The following CA1 variants were observed in gnomAD, a reference collection of about 807,000 sequenced individuals.
CA1 encodes carbonate dehydratase I.
A neutral mutation model predicts 28.8 loss-of-function variants in CA1; 27 were observed. The observed-to-expected ratio is 0.94, with a 90% CI of 0.69 to 1.29. The LOEUF (loss-of-function observed/expected upper bound fraction) is 1.29, where lower values mean the gene tolerates loss of function less well. Among genes scored for constraint, CA1 ranks in the 50% most tolerant of loss-of-function variants. The pLI is 0.00. For synonymous variants in CA1, 121 were observed against 108.8 expected, an observed-to-expected ratio of 1.11 and a Z score of -0.70; for missense variants, 335 against 310.5, an observed-to-expected ratio of 1.08 and a Z score of -0.59.
intron 1 of CA1, 144 bp downstream of exon 1, chr8:85,377,902 T>C (rs1028808353): frequency 1.3e-5 from 2 of 152,252 alleles, no homozygotes; most frequent in African/African-American, 4.8e-5. Flanking sequence ...ATAAAGGTTT[T>C]TTAAGCTTTG....
chr8:85,359,585 T>G (rs1431798107), intron 1 of CA1, among the ~76,000 whole-genome samples: 1 of 152,136 alleles, frequency 6.6e-6, no homozygotes, highest in Non-Finnish European at 1.5e-5. Flanking sequence ...ACACTGAACC[T>G]CGAATGAAAA....
At chr8:85,360,529 T>TA (rs974311144) in intron 1 of CA1, among the ~76,000 whole-genome samples, 2 of 151,856 alleles carry the variant, frequency 1.3e-5, no homozygotes, top group African/African-American at 2.4e-5. Context: ...CCATCTCTAC[T>TA]AAAAAACACA....
chr8:85,338,191 A>G (rs1808740737), intron 3 of CA1, 61 bp downstream of exon 3: 12 of 1,352,370 alleles, frequency 8.9e-6, no homozygotes, highest in East Asian at 2.3e-5. Flanking sequence ...CTCGAGCACT[A>G]TTTTTTAAAT....
chr8:85,373,199 G>T (rs564821748), intron 1 of CA1, among the ~76,000 whole-genome samples: 2 of 152,186 alleles, frequency 1.3e-5, no homozygotes, highest in African/African-American at 4.8e-5. Context: ...TGGGTGTTTC[G>T]TTAAGACGGA....
At chr8:85,365,527 G>A (rs995107316) in intron 1 of CA1, among the ~76,000 whole-genome samples, 2 of 152,158 alleles carry the variant, frequency 1.3e-5, no homozygotes, top group African/African-American at 4.8e-5. Flanking sequence ...ACAGTGTTCT[G>A]CACCCGTTCG....
At chr8:85,369,686 G>A (rs1810144082) in intron 1 of CA1, among the ~76,000 whole-genome samples, 1 of 152,074 alleles carries the variant, frequency 6.6e-6, no homozygotes. Context: ...AGAAAGCATG[G>A]GAACAGGGTT....
chr8:85,355,560 T>TC (rs1809572760), intron 1 of CA1, among the ~76,000 whole-genome samples: 1 of 146,456 alleles, frequency 6.8e-6, no homozygotes, highest in South Asian at 2.2e-4. Flanking sequence ...TTTTTTTTTT[T>TC]TTTTTTTTTT....
At chr8:85,359,276 C>T (rs1346386841) in intron 1 of CA1, among the ~76,000 whole-genome samples, 2 of 152,072 alleles carry the variant, frequency 1.3e-5, no homozygotes, top group Non-Finnish European at 1.5e-5. Context: ...CAAGAAAGGC[C>T]GTAACTGGAA....
intron 6 of CA1, among the ~76,000 whole-genome samples, chr8:85,331,829 A>G (rs1808418829): frequency 6.6e-6 from 1 of 151,682 alleles, no homozygotes; most frequent in Non-Finnish European, 1.5e-5. Context: ...TTTTCTTTTC[A>G]TATTTTTTTG....
chr8:85,334,549 C>A (rs1342207629), intron 4 of CA1, among the ~76,000 whole-genome samples: 2 of 152,046 alleles, frequency 1.3e-5, no homozygotes, highest in Admixed American at 6.6e-5. Context: ...CTATCCATAT[C>A]ACTTATTTAA....
At chr8:85,354,295 C>CT (rs11372515) in intron 1 of CA1, among the ~76,000 whole-genome samples, 113,624 of 147,480 alleles carry the variant, frequency 0.77, 44,683 homozygotes, top group African/African-American at 0.92. Flanking sequence ...TCTTTTTTTT[C>CT]TTTTTTTTTT....
chr8:85,332,759 G>A (rs1808464046), intron 5 of CA1, among the ~76,000 whole-genome samples: 1 of 152,036 alleles, frequency 6.6e-6, no homozygotes, highest in Non-Finnish European at 1.5e-5. Context: ...ACAGATAAAA[G>A]TAGCAAACAA....
intron 1 of CA1, among the ~76,000 whole-genome samples, chr8:85,351,492 G>C (rs1809410579): frequency 6.6e-6 from 1 of 152,178 alleles, no homozygotes; most frequent in South Asian, 2.1e-4. Context: ...TAGCATGATG[G>C]ACATGCCTTC....
intron 1 of CA1, among the ~76,000 whole-genome samples, chr8:85,365,264 T>G (rs1809960900): frequency 6.6e-6 from 1 of 152,194 alleles, no homozygotes; most frequent in South Asian, 2.1e-4. Flanking sequence ...GGGAGTAAAC[T>G]TAACAGGCGC....
At chr8:85,356,482 T>C (rs548130549) in intron 1 of CA1, among the ~76,000 whole-genome samples, 2 of 152,144 alleles carry the variant, frequency 1.3e-5, no homozygotes, top group Non-Finnish European at 2.9e-5. Flanking sequence ...GGTACTCTTA[T>C]TATAATTATT....
chr8:85,331,579 C>T (rs1808403958), intron 6 of CA1, among the ~76,000 whole-genome samples: 1 of 152,066 alleles, frequency 6.6e-6, no homozygotes, highest in Admixed American at 6.6e-5. Flanking sequence ...GGCTCAATCT[C>T]CTGATTAGCT....
At chr8:85,353,839 A>G (rs1427150463) in intron 1 of CA1, among the ~76,000 whole-genome samples, 1 of 152,240 alleles carries the variant, frequency 6.6e-6, no homozygotes, top group African/African-American at 2.4e-5. Flanking sequence ...GGATACAGGA[A>G]AAGGGGTCTA....
At chr8:85,340,278 A>G (rs542999222) in intron 2 of CA1, among the ~76,000 whole-genome samples, 18 of 152,334 alleles carry the variant, frequency 1.2e-4, no homozygotes, top group African/African-American at 3.4e-4. Context: ...TAGGACCCTT[A>G]AGAATTATAC....
intron 1 of CA1, among the ~76,000 whole-genome samples, chr8:85,372,765 C>T (rs1810274380): frequency 6.6e-6 from 1 of 152,170 alleles, no homozygotes; most frequent in Non-Finnish European, 1.5e-5. Context: ...GTGATGACAT[C>T]TCACAGCATC....
Sources: allele counts gnomAD v4.1 joint callset (sites outside exome capture counted in the v4.1 genomes callset), GRCh38; gene constraint gnomAD v4.1.1; transcripts MANE v1.5; gene names NCBI Gene and HGNC (gene_info 2026-07-23, HGNC 2026-07-21).